The following FOXP1 variants were observed in gnomAD, a reference collection of about 807,000 sequenced individuals.
FOXP1 encodes the protein forkhead box protein P1.
FOXP1 carries 15 observed loss-of-function variants against 98.2 expected under a neutral mutation model. The ratio of observed to expected loss-of-function variants is 0.15; its 90% CI spans 0.10 to 0.24. The LOEUF (loss-of-function observed/expected upper bound fraction) is 0.24, where lower values mean the gene tolerates loss of function less well. Ranked by LOEUF, FOXP1 falls within the 10% of genes least tolerant of loss-of-function variation. FOXP1 has a pLI of 1.00. For synonymous variants in FOXP1, 371 were observed against 314.5 expected, an observed-to-expected ratio of 1.18 and a Z score of -1.90; for missense variants, 633 against 848.5, an observed-to-expected ratio of 0.75 and a Z score of 3.15.
Position 70,976,933 on chromosome 3 carries a change from A to AAGCTT in FOXP1, c.1530+3_1530+7dup, listed in dbSNP as rs1486458323. 2 of 1,604,094 alleles carry AAGCTT rather than the reference A, an allele frequency of 1.2e-6. No individual in the cohort carries two copies. Among genetic ancestry groups the AAGCTT allele is most frequent in the East Asian group, 2.2e-5 (1 of 44,848 alleles). On this transcript the variant is annotated splice_region_variant and intron_variant, in intron 17 of 20. Transcript: ENST00000649528. The stretch of plus-strand genomic sequence containing the variant: ...GATCCAAGAATAAACAGGCCTGAGA[A>AAGCTT]AGCTTACCTTCCACGTGGCCGCGTT...
At chr3:71,442,703 C>T (rs1038138790) in intron 3 of FOXP1, among the ~76,000 whole-genome samples, 5 of 152,092 alleles carry the variant, frequency 3.3e-5, no homozygotes, top group East Asian at 1.9e-4. Flanking sequence ...GTCACTCCCA[C>T]GTCTGGATTT....
intron 3 of FOXP1, among the ~76,000 whole-genome samples, chr3:71,436,206 C>G (rs891922345): frequency 2.6e-5 from 4 of 151,980 alleles, no homozygotes; most frequent in African/African-American, 7.3e-5. Context: ...CTCCCCGCAA[C>G]AGCCCCTGCC....
intron 4 of FOXP1, among the ~76,000 whole-genome samples, chr3:71,326,896 G>A (rs997599329): frequency 6.6e-6 from 1 of 152,156 alleles, no homozygotes; most frequent in Non-Finnish European, 1.5e-5. Context: ...AACTATAAGA[G>A]AAATAGTTGG....
intron 5 of FOXP1, among the ~76,000 whole-genome samples, chr3:71,255,624 T>A (rs1456090140): frequency 6.6e-6 from 1 of 152,222 alleles, no homozygotes; most frequent in Non-Finnish European, 1.5e-5. Flanking sequence ...GTAAAGGTTC[T>A]CTGTTTATTA....
chr3:71,548,912 A>G (rs2045566465), intron 2 of FOXP1, among the ~76,000 whole-genome samples: 1 of 152,246 alleles, frequency 6.6e-6, no homozygotes, highest in South Asian at 2.1e-4. Context: ...AAGCAGGACC[A>G]TGATGAGGTA....
At chr3:71,543,745 C>T (rs2045088875) in intron 2 of FOXP1, among the ~76,000 whole-genome samples, 1 of 152,200 alleles carries the variant, frequency 6.6e-6, no homozygotes, top group African/African-American at 2.4e-5. Context: ...GGCCTATATC[C>T]CTCTACTTCT....
intron 3 of FOXP1, among the ~76,000 whole-genome samples, chr3:71,374,718 T>C (rs1293977787): frequency 6.6e-6 from 1 of 152,228 alleles, no homozygotes; most frequent in African/African-American, 2.4e-5. Flanking sequence ...CAAGTAACTA[T>C]GCCTGTCCCA....
At chr3:71,260,278 C>T (rs908788549) in intron 5 of FOXP1, among the ~76,000 whole-genome samples, 7 of 152,072 alleles carry the variant, frequency 4.6e-5, no homozygotes, top group Non-Finnish European at 7.4e-5. Flanking sequence ...CCACCGCGCC[C>T]GGCCAACACT....
intron 5 of FOXP1, among the ~76,000 whole-genome samples, chr3:71,251,999 C>G (rs934590769): frequency 1.3e-5 from 2 of 152,192 alleles, no homozygotes; most frequent in Non-Finnish European, 2.9e-5. Flanking sequence ...CCCTTCCCAG[C>G]TTTCTCTGCA....
chr3:71,202,573 C>T (rs993211900), intron 5 of FOXP1, among the ~76,000 whole-genome samples: 3 of 152,066 alleles, frequency 2.0e-5, no homozygotes, highest in African/African-American at 4.8e-5. Context: ...AAATGTTATC[C>T]CCATTTCACA....
chr3:71,505,219 C>T (rs1187042531), intron 2 of FOXP1, among the ~76,000 whole-genome samples: 1 of 152,154 alleles, frequency 6.6e-6, no homozygotes, highest in Non-Finnish European at 1.5e-5. Flanking sequence ...TTGCCTCCCA[C>T]TGTCTAAAAC....
intron 6 of FOXP1, among the ~76,000 whole-genome samples, chr3:71,128,986 G>A (rs780723597): frequency 1.3e-5 from 2 of 152,008 alleles, no homozygotes; most frequent in African/African-American, 2.4e-5. Flanking sequence ...GGCTTTCGGA[G>A]TGGAAAACAA....
At chr3:71,191,840 G>A (rs1011347287) in intron 6 of FOXP1, among the ~76,000 whole-genome samples, 4 of 152,130 alleles carry the variant, frequency 2.6e-5, no homozygotes, top group Admixed American at 6.5e-5. Flanking sequence ...TTGTTTGTAC[G>A]GTTATCACTA....
intron 2 of FOXP1, among the ~76,000 whole-genome samples, chr3:71,577,553 G>A (rs984188484): frequency 1.3e-5 from 2 of 152,130 alleles, no homozygotes; most frequent in Admixed American, 1.3e-4. Flanking sequence ...CCAGCTTTTG[G>A]AGCCTTTATC....
chr3:70,975,590 G>A (rs751533664), intron 17 of FOXP1, among the ~76,000 whole-genome samples: 3 of 152,280 alleles, frequency 2.0e-5, no homozygotes, highest in Non-Finnish European at 4.4e-5. Flanking sequence ...TATTTCAGGC[G>A]AAGGAAGTTT....
rs183115241 is a variant in FOXP1 at position 71,375,505 on chromosome 3, T to C, written c.-167-16261A>G. ...ATACCTTACCTTAGGAAACGTAAAC[T>C]CTAGAGGGGTAACTAAAAGGTAACT... On this transcript the variant is annotated intron_variant, in intron 3 of 20. Coordinates refer to ENST00000649528, the MANE Select transcript of FOXP1 (RefSeq NM_001349338.3). Among the ~76,000 whole-genome samples, 3 of 152,280 alleles carry C rather than the reference T, an allele frequency of 2.0e-5. No homozygotes were observed. The East Asian group carries it at 5.8e-4, about 29-fold the overall frequency.
chr3:71,097,191 T>C (rs1426899686), intron 7 of FOXP1, among the ~76,000 whole-genome samples: 1 of 152,190 alleles, frequency 6.6e-6, no homozygotes. Context: ...CACCTGTGTA[T>C]GGCCCTTGAG....
intron 3 of FOXP1, among the ~76,000 whole-genome samples, chr3:71,419,888 C>G (rs1041285848): frequency 2.0e-5 from 3 of 151,940 alleles, no homozygotes; most frequent in Non-Finnish European, 2.9e-5. Context: ...GATCTCGGCT[C>G]GCTGCAACCT....
At chr3:71,408,754 C>A (rs2082520481) in intron 3 of FOXP1, among the ~76,000 whole-genome samples, 1 of 152,196 alleles carries the variant, frequency 6.6e-6, no homozygotes, top group Non-Finnish European at 1.5e-5. Flanking sequence ...GGGCAGCAGA[C>A]ACCCTGTCAT....
Sources: allele counts gnomAD v4.1 joint callset (sites outside exome capture counted in the v4.1 genomes callset), GRCh38; gene constraint gnomAD v4.1.1; transcripts MANE v1.5; gene names NCBI Gene and HGNC (gene_info 2026-07-23, HGNC 2026-07-21).